The following VAV3 variants were observed in gnomAD, a reference collection of about 807,000 sequenced individuals.
VAV3 encodes the protein guanine nucleotide exchange factor VAV3.
In VAV3, 94 loss-of-function variants were observed where a neutral mutation model predicts 131.2. That is an observed-to-expected ratio of 0.72 (90% CI 0.61 to 0.85). The LOEUF (loss-of-function observed/expected upper bound fraction) is 0.85, where lower values mean the gene tolerates loss of function less well. Among genes scored for constraint, VAV3 ranks in the 40% least tolerant of loss-of-function variants. The pLI is 0.00. For synonymous variants in VAV3, 349 were observed against 342.0 expected (o/e 1.02, Z -0.22); for missense variants, 939 against 1,002.7 (o/e 0.94, Z 0.86).
At chr1:107,867,585 C>G (rs750912947) in intron 2 of VAV3, among the ~76,000 whole-genome samples, 2 of 152,144 alleles carry the variant, frequency 1.3e-5, no homozygotes, top group Non-Finnish European at 2.9e-5. Context: ...AAAAGGTAGC[C>G]TTGGAACAAG....
intron 25 of VAV3, among the ~76,000 whole-genome samples, chr1:107,581,488 C>T (rs992015030): frequency 6.6e-5 from 10 of 152,158 alleles, no homozygotes; most frequent in Non-Finnish European, 1.3e-4. Context: ...GAAGTACTAA[C>T]ATTACCTAAT....
At chr1:107,910,607 A>T (rs1672321367) in intron 1 of VAV3, among the ~76,000 whole-genome samples, 1 of 152,202 alleles carries the variant, frequency 6.6e-6, no homozygotes, top group Admixed American at 6.5e-5. Context: ...TTTCATCACA[A>T]TGGATTTTAA....
intron 15 of VAV3, among the ~76,000 whole-genome samples, chr1:107,734,981 A>G (rs1430088392): frequency 6.6e-6 from 1 of 152,224 alleles, no homozygotes; most frequent in African/African-American, 2.4e-5. Flanking sequence ...AGCAAATGTA[A>G]AAGAACAGAA....
intron 1 of VAV3, among the ~76,000 whole-genome samples, chr1:107,896,115 T>TACATAATGTTCAATTTAGGCAGCCA (rs1553227412): frequency 6.6e-6 from 1 of 152,154 alleles, no homozygotes; most frequent in African/African-American, 2.4e-5. Context: ...ACAACACAGA[T>TACATAATGTTCAATTTAGGCAGCCA]ACATAATGTT....
intron 2 of VAV3, among the ~76,000 whole-genome samples, chr1:107,809,418 G>T (rs962866584): frequency 2.0e-5 from 3 of 152,126 alleles, no homozygotes; most frequent in African/African-American, 7.2e-5. Context: ...CTTTGTCCTT[G>T]GATAGTACAG....
intron 15 of VAV3, among the ~76,000 whole-genome samples, chr1:107,743,569 G>T (rs6662917): frequency 0.29 from 44,000 of 151,914 alleles, 6,567 homozygotes; most frequent in Middle Eastern, 0.37. Context: ...AATTGCAATG[G>T]CTCCCTCATT....
rs1466126082 is a variant in VAV3, at chr1:107,703,634, C to T, written c.1705+916G>A. ...TTTCTACAATTGCCTATTTTCTGAA[C>T]TCAGCTCCGAAATGAGCTATTCTCT... On this transcript the variant is annotated intron_variant, in intron 17 of 26. Coordinates refer to ENST00000370056, the MANE Select transcript of VAV3 (RefSeq NM_006113.5). Among the ~76,000 whole-genome samples the T allele has an allele frequency of 6.6e-5, 10 of 152,192 alleles. No individual in the cohort carries two copies. In the South Asian group the frequency reaches 2.1e-3, roughly 32 times the overall value.
chr1:107,822,798 G>C (rs6674778), intron 2 of VAV3, among the ~76,000 whole-genome samples: 1 of 152,118 alleles, frequency 6.6e-6, no homozygotes, highest in Non-Finnish European at 1.5e-5. Flanking sequence ...AGCAAAAGAG[G>C]TTCATTCCTT....
At chr1:107,788,019 C>A (rs754700467) in intron 2 of VAV3, among the ~76,000 whole-genome samples, 5 of 152,110 alleles carry the variant, frequency 3.3e-5, no homozygotes, top group Non-Finnish European at 5.9e-5. Flanking sequence ...AGTGCCAGGT[C>A]TAAATCCTAT....
At chr1:107,744,931 G>A (rs1663242085) in intron 15 of VAV3, among the ~76,000 whole-genome samples, 1 of 152,172 alleles carries the variant, frequency 6.6e-6, no homozygotes, top group Non-Finnish European at 1.5e-5. Context: ...ATGCTCCTGT[G>A]ACTGCTAGTT....
chr1:107,648,552 C>T (rs562693388), intron 19 of VAV3, among the ~76,000 whole-genome samples: 10 of 152,126 alleles, frequency 6.6e-5, no homozygotes, highest in Admixed American at 3.9e-4. Context: ...CCCTGGCAAA[C>T]AGCTATTCCC....
chr1:107,793,619 A>G (rs950964135), intron 2 of VAV3, among the ~76,000 whole-genome samples: 1 of 152,230 alleles, frequency 6.6e-6, no homozygotes, highest in Non-Finnish European at 1.5e-5. Flanking sequence ...GCTTGGATTC[A>G]GGATGAGGGA....
intron 20 of VAV3, among the ~76,000 whole-genome samples, chr1:107,619,294 C>A (rs1005244240): frequency 2.6e-5 from 4 of 152,060 alleles, no homozygotes. Flanking sequence ...ACTAGTGAAA[C>A]AACAAGGCAG....
chr1:107,753,134 A>T (rs1246638728), intron 12 of VAV3, among the ~76,000 whole-genome samples: 1 of 152,186 alleles, frequency 6.6e-6, no homozygotes, highest in Non-Finnish European at 1.5e-5. Context: ...AAATCAAAAA[A>T]ATAAAATGTT....
chr1:107,937,598 T>C (rs1415975901), intron 1 of VAV3, among the ~76,000 whole-genome samples: 1 of 152,236 alleles, frequency 6.6e-6, no homozygotes, highest in African/African-American at 2.4e-5. Flanking sequence ...CTTGGCTGTT[T>C]ATGCCCTCAC....
At chr1:107,747,377 T>C (rs1663417338) in intron 15 of VAV3, among the ~76,000 whole-genome samples, 1 of 152,072 alleles carries the variant, frequency 6.6e-6, no homozygotes, top group South Asian at 2.1e-4. Flanking sequence ...AAGCCTAGCA[T>C]ATAAGAGCAA....
chr1:107,964,997 G>C lies in VAV3; in HGVS notation c.-128C>G. On this transcript the variant is annotated 5_prime_UTR_variant, in exon 1 of 27. Coordinates refer to ENST00000370056, the MANE Select transcript of VAV3 (RefSeq NM_006113.5). ...GCCGGCCCTTTCCCCGCGCGGGATCGAGGGAGCAGGAGCCGCGGCTGACGG... is the reference window on the plus strand; with the variant it reads ...GCCGGCCCTTTCCCCGCGCGGGATCCAGGGAGCAGGAGCCGCGGCTGACGG... 1 of 781,976 alleles carries C rather than the reference G, an allele frequency of 1.3e-6. No individual in the cohort carries two copies. The highest frequency in any genetic ancestry group is 1.6e-6 in the Non-Finnish European group (1 of 611,172). 48.4% of individuals were successfully genotyped at this position (781,976 alleles called of 1,614,324 possible).
chr1:107,887,148 G>T (rs145616180), intron 1 of VAV3, among the ~76,000 whole-genome samples: 1 of 152,194 alleles, frequency 6.6e-6, no homozygotes, highest in African/African-American at 2.4e-5. Flanking sequence ...CCAAGCCCCA[G>T]GCTGCACCCT....
At chr1:107,948,665 GA>G (rs1374739729) in intron 1 of VAV3, among the ~76,000 whole-genome samples, 2 of 152,126 alleles carry the variant, frequency 1.3e-5, no homozygotes, top group African/African-American at 4.8e-5. Flanking sequence ...CCAACATGGC[GA>G]AATCCCATCT....
Sources: gnomAD v4.1 joint callset for allele counts (sites outside exome capture counted in the v4.1 genomes callset) on GRCh38, gnomAD v4.1.1 for gene constraint, MANE v1.5 for transcripts, NCBI Gene and HGNC (gene_info 2026-07-23, HGNC 2026-07-21) for gene names.